The following VTI1A variants were observed in gnomAD, a reference collection of about 807,000 sequenced individuals.
VTI1A encodes vesicle transport through interaction with t-SNAREs 1A.
In VTI1A, 22 loss-of-function variants were observed where a neutral mutation model predicts 34.9. The observed-to-expected ratio is 0.63, with a 90% CI of 0.45 to 0.90. VTI1A has a LOEUF of 0.90. Ranked by LOEUF, VTI1A falls within the 40% of genes least tolerant of loss-of-function variation. The probability of loss-of-function intolerance (pLI) is 0.00; values close to 1 mark genes in which losing one functional copy is unlikely to be tolerated. For synonymous variants in VTI1A, 87 were observed against 97.3 expected (o/e 0.89, Z 0.62); for missense variants, 268 against 275.6 (o/e 0.97, Z 0.20).
At chr10:112,684,966 T>C (rs56239644) in intron 7 of VTI1A, among the ~76,000 whole-genome samples, 14,556 of 152,226 alleles carry the variant, frequency 0.096, 1,821 homozygotes, top group African/African-American at 0.29. Flanking sequence ...CTTAGGAATC[T>C]ATAGATGTGG....
chr10:112,786,930 G>A (rs377561128), intron 7 of VTI1A, among the ~76,000 whole-genome samples: 1 of 152,158 alleles, frequency 6.6e-6, no homozygotes, highest in African/African-American at 2.4e-5. Flanking sequence ...CATAGAACAA[G>A]TTGGCATAGT....
chr10:112,494,320 G>T (rs1295438615), intron 3 of VTI1A, among the ~76,000 whole-genome samples: 1 of 151,852 alleles, frequency 6.6e-6, no homozygotes, highest in East Asian at 1.9e-4. Context: ...TGTAATTTTT[G>T]TGTCTTAAAA....
At chr10:112,638,649 A>G (rs889344023) in intron 5 of VTI1A, among the ~76,000 whole-genome samples, 11 of 151,948 alleles carry the variant, frequency 7.2e-5, no homozygotes, top group African/African-American at 2.2e-4. Flanking sequence ...ATTTAACTTT[A>G]TTGTCAAATA....
intron 4 of VTI1A, 21 bp downstream of exon 4, chr10:112,527,185 G>C (rs755140991): frequency 1.2e-6 from 2 of 1,611,052 alleles, no homozygotes; most frequent in African/African-American, 2.7e-5. Flanking sequence ...AATCAGGAAG[G>C]CCCGGTGGGT....
chr10:112,465,933 A>G (rs1847881005), intron 3 of VTI1A, among the ~76,000 whole-genome samples: 1 of 152,228 alleles, frequency 6.6e-6, no homozygotes, highest in Non-Finnish European at 1.5e-5. Flanking sequence ...CCTGCTAATG[A>G]TAAAAGAACA....
At chr10:112,481,509 C>T (rs1044000046) in intron 3 of VTI1A, among the ~76,000 whole-genome samples, 4 of 152,148 alleles carry the variant, frequency 2.6e-5, no homozygotes, top group African/African-American at 9.7e-5. Flanking sequence ...TATATTAACT[C>T]CCTGGTAAGA....
chr10:112,672,087 T>C (rs1847872716), intron 7 of VTI1A: 1 of 152,178 alleles, frequency 6.6e-6, no homozygotes, highest in Non-Finnish European at 1.5e-5. Context: ...CAGTTAGTCC[T>C]TGCTGGTCAT....
intron 3 of VTI1A, among the ~76,000 whole-genome samples, chr10:112,475,027 C>G (rs983615511): frequency 1.3e-5 from 2 of 152,180 alleles, no homozygotes; most frequent in African/African-American, 4.8e-5. Context: ...CCCTGCTCTC[C>G]TTATCCAAGA....
chr10:112,807,859 A>G (rs1590203495), intron 7 of VTI1A, among the ~76,000 whole-genome samples: 1 of 151,862 alleles, frequency 6.6e-6, no homozygotes, highest in Non-Finnish European at 1.5e-5. Flanking sequence ...GTCTCAAAAA[A>G]AATAAAAAAT....
chr10:112,698,879 C>T (rs562277158), intron 7 of VTI1A, among the ~76,000 whole-genome samples: 1 of 152,282 alleles, frequency 6.6e-6, no homozygotes, highest in South Asian at 2.1e-4. Context: ...CTCCTTCTGC[C>T]AGATGATGTC....
chr10:112,832,510 C>T, the VTI1A span: 3 of 152,286 alleles, frequency 2.0e-5, no homozygotes, highest in Admixed American at 6.5e-5. Context: ...AGCAGCGCAT[C>T]CACATCAGAC....
intron 7 of VTI1A, among the ~76,000 whole-genome samples, chr10:112,732,548 T>G (rs1239407107): frequency 6.6e-6 from 1 of 152,182 alleles, no homozygotes; most frequent in East Asian, 1.9e-4. Context: ...AGCCCGGTCG[T>G]TTCTTTGCAA....
At chr10:112,672,154 A>G (rs538845254) in intron 7 of VTI1A, among the ~76,000 whole-genome samples, 1 of 139,622 alleles carries the variant, frequency 7.2e-6, no homozygotes, top group African/African-American at 2.9e-5. Flanking sequence ...AAATGGCTAT[A>G]ATGCCCACCT....
At chr10:112,823,333 G>T (rs113756875), downstream of VTI1A, among the ~76,000 whole-genome samples, 880 of 152,250 alleles carry the variant, frequency 5.8e-3, 10 homozygotes, top group African/African-American at 0.02. Flanking sequence ...CTTATTAAAT[G>T]TTAAAGGTTT....
intron 5 of VTI1A, among the ~76,000 whole-genome samples, chr10:112,624,348 A>G (rs1342151396): frequency 6.6e-6 from 1 of 152,152 alleles, no homozygotes; most frequent in Non-Finnish European, 1.5e-5. Flanking sequence ...TCAAGATGTT[A>G]TTTTGAAATC....
intron 5 of VTI1A, among the ~76,000 whole-genome samples, chr10:112,568,178 T>G (rs1589914842): frequency 6.6e-6 from 1 of 151,698 alleles, no homozygotes; most frequent in South Asian, 2.1e-4. Flanking sequence ...AAGTTTGTGG[T>G]CTCAGAAGCA....
intron 7 of VTI1A, among the ~76,000 whole-genome samples, chr10:112,792,730 T>G (rs1852527537): frequency 6.6e-6 from 1 of 152,206 alleles, no homozygotes; most frequent in African/African-American, 2.4e-5. Context: ...AGTGAATGTT[T>G]ACATGAGCCT....
intron 5 of VTI1A, among the ~76,000 whole-genome samples, chr10:112,555,834 G>A (rs1589898793): frequency 6.6e-6 from 1 of 151,990 alleles, no homozygotes; most frequent in East Asian, 1.9e-4. Flanking sequence ...TGGTGTTTAA[G>A]GAGATAATCA....
chr10:112,709,770 G>A (rs10885373), intron 7 of VTI1A, among the ~76,000 whole-genome samples: 22,309 of 138,494 alleles, frequency 0.16, 3,587 homozygotes, highest in African/African-American at 0.41. Flanking sequence ...GGCTCACTGC[G>A]ACCTCTGCCT....
Sources: gnomAD v4.1 joint callset for allele counts (sites outside exome capture counted in the v4.1 genomes callset) on GRCh38, gnomAD v4.1.1 for gene constraint, MANE v1.5 for transcripts, NCBI Gene and HGNC (gene_info 2026-07-23, HGNC 2026-07-21) for gene names.